The following SI variants were observed in gnomAD, a reference collection of about 807,000 sequenced individuals.
The protein encoded by SI is sucrase-isomaltase, intestinal.
In SI, 235 loss-of-function variants were observed where a neutral mutation model predicts 253.3. The observed-to-expected ratio is 0.93, with a 90% confidence interval of 0.83 to 1.03. The LOEUF (loss-of-function observed/expected upper bound fraction) is 1.03. Among genes scored for constraint, SI ranks in the 50% least tolerant of loss-of-function variants. The pLI, the probability that SI is intolerant of heterozygous loss-of-function variation, is 0.00. For synonymous variants in SI, 819 were observed against 712.0 expected, an observed-to-expected ratio of 1.15 and a Z score of -2.39; for missense variants, 2,442 against 2,211.1, an observed-to-expected ratio of 1.10 and a Z score of -2.09.
chr3:164,992,060 T>G, intron 43 of SI, 117 bp downstream of exon 43: 1 of 865,952 alleles, frequency 1.2e-6, no homozygotes, highest in Admixed American at 1.8e-5. Context: ...GGAAATATGT[T>G]ACTTTCCACT....
intron 41 of SI, 111 bp from the exon 42 acceptor site, chr3:164,992,508 T>C: frequency 2.7e-6 from 2 of 751,116 alleles, no homozygotes; most frequent in South Asian, 1.8e-5. Context: ...TGGATTAAAA[T>C]AAAAACAAAA....
Position 165,048,590 on chromosome 3 carries a change from G to T in SI, c.1715+537C>A, listed in dbSNP as rs954745741. Among the ~76,000 whole-genome samples, 1,021 of 143,642 alleles carry T rather than the reference G, an allele frequency of 7.1e-3. 8 individuals carry two copies. The highest frequency in any genetic ancestry group is 0.017 in the African/African-American group (679 of 39,174). 94.2% of individuals were successfully genotyped at this position (143,642 alleles called of 152,430 possible). A position where few individuals can be genotyped will look rare whatever the true frequency, so the allele number is the denominator to read the frequency against. ...ATGTATATATATATATATATAGAGA[G>T]AGAGAGAGAGAGAGAGAGTCATTCT... On this transcript the variant is annotated intron_variant, in intron 15 of 47. Transcript: ENST00000264382.
intron 32 of SI, among the ~76,000 whole-genome samples, chr3:165,015,487 A>G (rs1428403007): frequency 6.6e-6 from 1 of 152,028 alleles, no homozygotes; most frequent in African/African-American, 2.4e-5. Flanking sequence ...TTTTGTTTTT[A>G]TTTCTATGGT....
Position 165,017,852 on chromosome 3 carries a change from G to A in SI, c.3542C>T (p.Pro1181Leu). ...TCCAACTGTACGGTAAGTTAGAGCA[G>A]GAGTTGGCTGGAATGTAACATCTGG... ...NAMDVTFQPT[P>L]ALTYRTVGGI... Residue 1181 changes from proline to leucine, a missense_variant, in exon 30 of 48, where the codon CCT (proline) becomes CTT (leucine). Coordinates refer to ENST00000264382, the MANE Select transcript of SI (RefSeq NM_001041.4). 1 of 1,612,736 alleles carries A rather than the reference G, an allele frequency of 6.2e-7. No homozygotes were observed. The highest frequency in any genetic ancestry group is 8.5e-7 in the Non-Finnish European group (1 of 1,179,116).
In SI at chr3:165,022,572, A is replaced by G. The variant is rs549243914; in HGVS notation, c.3099+998T>C. On this transcript the variant is annotated intron_variant, in intron 26 of 47. Coordinates refer to ENST00000264382, the MANE Select transcript of SI (RefSeq NM_001041.4). The stretch of plus-strand genomic sequence containing the variant: ...ACACACACACACACACACACACACA[A>G]TCTTCTATGCTTTTGTGCCATCACA... Among the ~76,000 whole-genome samples the G allele has an allele frequency of 4.2e-4, 29 of 69,306 alleles. No individual in the cohort carries two copies. The South Asian group carries it at 0.011, about 27-fold the overall frequency. The allele number at this position is 69,306 out of a possible 152,430, so 45.5% of individuals were successfully genotyped here. A position where few individuals can be genotyped will look rare whatever the true frequency, so the allele number is the denominator to read the frequency against.
Position 165,039,918 on chromosome 3 carries a change from G to A in SI, c.2213C>T (p.Pro738Leu). The change falls in exon 19 of 48, where the codon CCT (proline) becomes CTT (leucine). Residue 738 changes from proline to leucine, a missense_variant. By Grantham distance (98) the Pro-to-Leu change is moderately conservative (BLOSUM62 -3). Transcript: ENST00000264382. ...TAGAACAGGAGTAATAAGTAATGCA[G>A]GGCCCCACAAAAACTCAGTGTCCTC... ...WIEDTEFLWGPALLITPVLKQ... is the reference protein window; with the variant it reads ...WIEDTEFLWGLALLITPVLKQ... The A allele has an allele frequency of 6.2e-7, 1 of 1,613,136 alleles. No individual in the cohort carries two copies. The highest frequency in any genetic ancestry group is 8.5e-7 in the Non-Finnish European group (1 of 1,179,346).
At chr3:165,024,334 T>C (rs1711788073) in intron 25 of SI, among the ~76,000 whole-genome samples, 2 of 151,342 alleles carry the variant, frequency 1.3e-5, no homozygotes, top group African/African-American at 2.4e-5. Flanking sequence ...AGATAAAACC[T>C]AAGAAAAAGA....
intron 20 of SI, among the ~76,000 whole-genome samples, chr3:165,038,566 A>T (rs528014088): frequency 6.8e-4 from 103 of 151,536 alleles, no homozygotes; most frequent in African/African-American, 2.2e-3. Flanking sequence ...TCAAAAAAAA[A>T]AAATAAATAA....
At chr3:164,989,433 A>AAAGAAAGAAAGAAAGAAAGG (rs1553768937) in intron 44 of SI, among the ~76,000 whole-genome samples, 8 of 132,858 alleles carry the variant, frequency 6.0e-5, no homozygotes, top group African/African-American at 2.9e-4. Context: ...AGAAAGAAAG[A>AAAGAAAGAAAGAAAGAAAGG]AAGGAAAGAA....
At chr3:164,997,567 T>C (rs940790661) in intron 38 of SI, among the ~76,000 whole-genome samples, 1 of 151,776 alleles carries the variant, frequency 6.6e-6, no homozygotes, top group East Asian at 1.9e-4. Flanking sequence ...AGGGGTTTTG[T>C]GTACAGATTA....
intron 3 of SI, among the ~76,000 whole-genome samples, chr3:165,074,013 A>C (rs1714777153): frequency 6.6e-6 from 1 of 152,074 alleles, no homozygotes; most frequent in African/African-American, 2.4e-5. Flanking sequence ...TTGTGGGGAA[A>C]AAAAGGAAGA....
At chr3:164,979,509 T>G (rs1717076454) in intron 47 of SI, 79 bp from the exon 48 acceptor site, 2 of 817,336 alleles carry the variant, frequency 2.4e-6, no homozygotes, top group South Asian at 1.4e-5. Flanking sequence ...TTCAAAAAAG[T>G]TTTCTAATAA....
intron 15 of SI, among the ~76,000 whole-genome samples, chr3:165,048,419 G>T (rs921914735): frequency 6.6e-6 from 1 of 151,048 alleles, no homozygotes; most frequent in South Asian, 2.1e-4. Context: ...TTAAAGACCT[G>T]TTCTTGGGGC....
In SI at chr3:165,059,061, G is replaced by C; in HGVS notation, c.1300C>G (p.Arg434Gly). 6.2e-7 allele frequency: 1 copy of C among 1,612,160 alleles called. No individual in the cohort carries two copies. The highest frequency in any genetic ancestry group is 8.5e-7 in the Non-Finnish European group (1 of 1,179,100). ...IILDPAISIG[R>G]RANGTTYATY... is the part of the protein sequence containing the mutation. ...GCATATGTTGTTCCATTGGCACGTC[G>C]ACCTATGGAAATTGCAGGGTCCTAA... Residue 434 changes from arginine (R) to glycine (G), a missense_variant, in exon 12 of 48, where the codon CGA becomes GGA. By Grantham distance (125) the Arg-to-Gly change is moderately radical. Transcript: ENST00000264382.
At chr3:165,029,037 C>T (rs189703746) in intron 25 of SI, among the ~76,000 whole-genome samples, 3 of 151,370 alleles carry the variant, frequency 2.0e-5, no homozygotes, top group South Asian at 2.1e-4. Context: ...TGACAAAGAA[C>T]GAATATCCAG....
intron 17 of SI, 131 bp from the exon 18 acceptor site, chr3:165,041,225 C>T: frequency 1.4e-6 from 1 of 735,458 alleles, no homozygotes; most frequent in Non-Finnish European, 2.3e-6. Flanking sequence ...TAAAATTATT[C>T]CTATTTCATC....
Position 165,055,424 on chromosome 3 carries a change from G to A in SI, c.1399-117C>T, listed in dbSNP as rs1482280938. 7 of 624,458 alleles carry A rather than the reference G, an allele frequency of 1.1e-5. No homozygotes were observed. In the Admixed American group the frequency reaches 1.9e-4, roughly 17 times the overall value. 38.7% of individuals were successfully genotyped at this position (624,458 alleles called of 1,614,324 possible). A position where few individuals can be genotyped will look rare whatever the true frequency, so the allele number is the denominator to read the frequency against. ...AAATAAAGTTATTCTACTTCTTTAG[G>A]TATATGTGACTCATATATAAATTTA... On this transcript the variant is annotated intron_variant, in intron 12 of 47. Transcript: ENST00000264382.
At chr3:165,063,340 A>G (rs1435965488) in intron 8 of SI, 102 bp downstream of exon 8, 1 of 615,498 alleles carries the variant, frequency 1.6e-6, no homozygotes, top group African/African-American at 1.9e-5. Flanking sequence ...TAACTATAAT[A>G]GAGTTTACTC....
intron 3 of SI, among the ~76,000 whole-genome samples, chr3:165,070,445 G>T (rs1417457836): frequency 1.3e-5 from 2 of 149,934 alleles, no homozygotes; most frequent in African/African-American, 4.9e-5. Context: ...GCAAACTGGG[G>T]TACAATTGGA....
Sources: allele counts gnomAD v4.1 joint callset (sites outside exome capture counted in the v4.1 genomes callset), GRCh38; gene constraint gnomAD v4.1.1; transcripts MANE v1.5; gene names NCBI Gene and HGNC (gene_info 2026-07-23, HGNC 2026-07-21).